Variants in UBXN2A observed in about 807,000 individuals in gnomAD.
UBXN2A encodes the protein UBX domain protein 2A.
In UBXN2A, 28 loss-of-function variants were observed where a neutral mutation model predicts 28.4. The ratio of observed to expected loss-of-function variants is 0.99; its 90% confidence interval spans 0.73 to 1.35. The LOEUF (loss-of-function observed/expected upper bound fraction) is 1.35, where lower values mean the gene tolerates loss of function less well. Ranked by LOEUF, UBXN2A falls within the 40% of genes most tolerant of loss-of-function variation. The pLI is 0.00. For missense variants in UBXN2A, 253 were observed against 297.9 expected (o/e 0.85, Z 1.11); for synonymous variants, 97 against 103.6 (o/e 0.94, Z 0.39).
At chr2:23,986,479 G>A (rs963963309) in intron 6 of UBXN2A, among the ~76,000 whole-genome samples, 11 of 151,810 alleles carry the variant, frequency 7.2e-5, no homozygotes, top group African/African-American at 2.4e-4. Flanking sequence ...ATATCCTTCT[G>A]TCAATTATAG....
At chr2:23,996,065 A>ATTTT (rs1019784685) in intron 6 of UBXN2A, among the ~76,000 whole-genome samples, 72 of 114,242 alleles carry the variant, frequency 6.3e-4, no homozygotes, top group African/African-American at 2.2e-3. Context: ...CGCCTGGCTA[A>ATTTT]TTTTTTTTTT....
At chr2:23,945,606 TAAAAA>T (rs915194738) in intron 1 of UBXN2A, among the ~76,000 whole-genome samples, 7 of 152,112 alleles carry the variant, frequency 4.6e-5, no homozygotes, top group African/African-American at 1.7e-4. Context: ...GCCTTATCCT[TAAAAA>T]GAAACGTAAG....
At chr2:23,944,685 A>G (rs985656484) in intron 1 of UBXN2A, among the ~76,000 whole-genome samples, 1 of 152,082 alleles carries the variant, frequency 6.6e-6, no homozygotes, top group Non-Finnish European at 1.5e-5. Context: ...TTCCTGGGAT[A>G]TTGGAAACAA....
At chr2:23,928,353 A>AT (rs1250050550) in intron 1 of UBXN2A, among the ~76,000 whole-genome samples, 2 of 152,188 alleles carry the variant, frequency 1.3e-5, no homozygotes, top group Non-Finnish European at 2.9e-5. Flanking sequence ...AGGCGGGCGG[A>AT]TCACTTGAGG....
At chr2:23,939,689 T>G (rs151115933), upstream of UBXN2A, 4 of 152,508 alleles carry the variant, frequency 2.6e-5, no homozygotes, top group East Asian at 7.7e-4. Flanking sequence ...CAGCTAACTA[T>G]TTGCGAGGCG....
At chr2:23,956,686 G>A (rs1389906832) in intron 1 of UBXN2A, among the ~76,000 whole-genome samples, 2 of 152,044 alleles carry the variant, frequency 1.3e-5, no homozygotes, top group African/African-American at 2.4e-5. Context: ...CCTTTTCTGG[G>A]GTAAAAGTTT....
At chr2:23,944,425 T>A in intron 1 of UBXN2A, 1 of 1,029,192 alleles carries the variant, frequency 9.7e-7, no homozygotes, top group Non-Finnish European at 1.5e-6. Context: ...CAGTCTTATC[T>A]CCACCCTGGG....
chr2:23,960,154 G>A (rs917099416), intron 2 of UBXN2A, among the ~76,000 whole-genome samples: 31 of 152,108 alleles, frequency 2.0e-4, no homozygotes, highest in Admixed American at 1.1e-3. Context: ...TACTCGGGAG[G>A]CCGAGGCAGG....
chr2:23,927,713 A>G (rs556499249), intron 1 of UBXN2A: 1 of 151,918 alleles, frequency 6.6e-6, no homozygotes, highest in Admixed American at 6.6e-5. Flanking sequence ...CCTTAGCCAG[A>G]TCTAAGGCGG....
rs530607524 is a variant in UBXN2A, at chr2:23,988,726, T to C, written c.584+3895T>C. ...GAAGGACTTTGAAATAGGATACTTA[T>C]GTTGCTCACAAGACCTCAGATTGAT... On this transcript the variant is annotated intron_variant, in intron 6 of 6. Coordinates refer to ENST00000309033, the MANE Select transcript of UBXN2A (RefSeq NM_181713.4). Among the ~76,000 whole-genome samples the C allele has an allele frequency of 1.1e-3, 165 of 152,314 alleles. 1 individual carries two copies. Among genetic ancestry groups the C allele is most frequent in the Non-Finnish European group, 2.0e-3 (133 of 68,022 alleles).
chr2:23,965,766 A>G (rs1033719746), intron 2 of UBXN2A, among the ~76,000 whole-genome samples: 1 of 152,146 alleles, frequency 6.6e-6, no homozygotes, highest in Admixed American at 6.6e-5. Flanking sequence ...TATTTTCTGG[A>G]AGAGATTATA....
intron 1 of UBXN2A, among the ~76,000 whole-genome samples, chr2:23,942,419 C>CCTT (rs1705808907): frequency 1.0e-5 from 1 of 98,134 alleles, no homozygotes; most frequent in Non-Finnish European, 1.9e-5. Flanking sequence ...TGATGCAGGG[C>CCTT]TTTTTTTTTT....
chr2:23,964,783 CT>C (rs1380146785), intron 2 of UBXN2A, among the ~76,000 whole-genome samples: 1 of 152,076 alleles, frequency 6.6e-6, no homozygotes, highest in Non-Finnish European at 1.5e-5. Context: ...ATAAAAAAAA[CT>C]TTTTAGAAAA....
Position 23,999,732 on chromosome 2 carries a change from T to C in UBXN2A, c.645T>C (p.Phe215=). ...AAGGATCTCAAAGAAGTCCTCCGTT[T>C]TCCCTGGCAACAGCTCTTCCTGTCC... ...KYQGSQRSPP[F]SLATALPVLR... is the part of the protein sequence containing the mutation. The change falls in exon 7 of 7, where the codon TTT becomes TTC. Residue 215 remains phenylalanine (F), a synonymous_variant. Coordinates refer to ENST00000309033, the MANE Select transcript of UBXN2A (RefSeq NM_181713.4). 1 of 1,614,160 alleles carries C rather than the reference T, an allele frequency of 6.2e-7. No homozygotes were observed. The highest frequency in any genetic ancestry group is 8.5e-7 in the Non-Finnish European group (1 of 1,180,026).
chr2:23,995,054 T>C (rs1049767046), intron 6 of UBXN2A, among the ~76,000 whole-genome samples: 5 of 152,200 alleles, frequency 3.3e-5, no homozygotes, highest in African/African-American at 1.2e-4. Context: ...CTGTTTTCTG[T>C]TGGGTTCTTT....
Position 23,984,774 on chromosome 2 carries a change from T to C in UBXN2A, c.527T>C (p.Ile176Thr), listed in dbSNP as rs1254221741. The C allele has an allele frequency of 1.3e-6, 2 of 1,569,756 alleles. No individual in the cohort carries two copies. The highest frequency in any genetic ancestry group is 2.8e-5 in the African/African-American group (2 of 71,786). The change falls in exon 6 of 7, where the codon ATA (isoleucine) becomes ACA (threonine). Residue 176 changes from isoleucine (I) to threonine (T), a missense_variant. Ile to Thr is a moderately conservative substitution (Grantham distance 89). Coordinates refer to ENST00000309033, the MANE Select transcript of UBXN2A (RefSeq NM_181713.4). ...AACAACTTGGAACCCATTACTAATA[T>C]ACAGATCTGGTTGGCCAATGGAAAA... The part of the protein sequence containing the change: ...PLNNLEPITN[I>T]QIWLANGKRI...
chr2:23,944,530 A>G (rs1460125323), intron 1 of UBXN2A, among the ~76,000 whole-genome samples: 1 of 152,212 alleles, frequency 6.6e-6, no homozygotes, highest in Non-Finnish European at 1.5e-5. Context: ...AAAAGGGTCT[A>G]GTTTTCCCCT....
chr2:23,991,751 C>A (rs1708361944), intron 6 of UBXN2A, among the ~76,000 whole-genome samples: 1 of 151,790 alleles, frequency 6.6e-6, no homozygotes, highest in Non-Finnish European at 1.5e-5. Flanking sequence ...GGATTACAGG[C>A]GTGAGCCACA....
rs543305701 is a variant in UBXN2A at position 23,992,302 on chromosome 2, C to T, written c.585-7370C>T. Among the ~76,000 whole-genome samples the T allele has an allele frequency of 5.3e-5, 8 of 152,118 alleles. No homozygotes were observed. In the East Asian group the frequency reaches 1.2e-3, roughly 22 times the overall value. ...GGTATTTTTAGTAGAGACAGGGTTT[C>T]GCCATGTTGGCCAGGCTGGTCTTGA... On this transcript the variant is annotated intron_variant, in intron 6 of 6. Transcript: ENST00000309033.
Sources: gnomAD v4.1 joint callset for allele counts (sites outside exome capture counted in the v4.1 genomes callset) on GRCh38, gnomAD v4.1.1 for gene constraint, MANE v1.5 for transcripts, NCBI Gene and HGNC (gene_info 2026-07-23, HGNC 2026-07-21) for gene names.